The following CNTNAP5 variants were observed in gnomAD, a reference collection of about 807,000 sequenced individuals.
CNTNAP5 encodes the protein contactin associated protein family member 5.
CNTNAP5 carries 72 observed loss-of-function variants against 150.2 expected under a neutral mutation model. That is an observed-to-expected ratio of 0.48 (90% CI 0.40 to 0.58). The LOEUF is 0.58. CNTNAP5 is among the 20% of genes least tolerant of loss of function. CNTNAP5 has a pLI of 0.00. For synonymous variants in CNTNAP5, 672 were observed against 619.8 expected (o/e 1.08, Z -1.25); for missense variants, 1,636 against 1,626.2 (o/e 1.01, Z -0.10).
Position 124,372,500 on chromosome 2 carries a change from A to G in CNTNAP5, c.382-44943A>G, listed in dbSNP as rs903470305. 3.3e-5 allele frequency among the ~76,000 whole-genome samples: 5 copies of G among 152,062 alleles called. No individual in the cohort carries two copies. The East Asian group carries it at 9.7e-4, about 29-fold the overall frequency. On this transcript the variant is annotated intron_variant, in intron 3 of 23. Coordinates refer to ENST00000682447, the MANE Select transcript of CNTNAP5 (RefSeq NM_001367498.1). Reference sequence around the variant, plus strand: ...GGAAGGATTTATATCTTACTGTTGAAGGTATATAATTGTTTCCTAATTCAC... The same window carrying G: ...GGAAGGATTTATATCTTACTGTTGAGGGTATATAATTGTTTCCTAATTCAC...
At chr2:124,694,768 T>C (rs140457562) in intron 13 of CNTNAP5, among the ~76,000 whole-genome samples, 267 of 152,294 alleles carry the variant, frequency 1.8e-3, no homozygotes, top group African/African-American at 6.3e-3. Flanking sequence ...AATGTATTCA[T>C]TGATTTTTTT....
intron 3 of CNTNAP5, among the ~76,000 whole-genome samples, chr2:124,316,229 G>A (rs62170994): frequency 0.012 from 1,794 of 152,274 alleles, 16 homozygotes; most frequent in Non-Finnish European, 0.02. Context: ...CCTGGAAAGG[G>A]TTAGTAGCCC....
chr2:124,597,388 T>C (rs1426432236), intron 11 of CNTNAP5, among the ~76,000 whole-genome samples: 1 of 150,122 alleles, frequency 6.7e-6, no homozygotes, highest in African/African-American at 2.4e-5. Context: ...ATTTTATTTC[T>C]CCTTCACTTA....
Position 124,528,014 on chromosome 2 carries a change from T to C in CNTNAP5, c.1649+558T>C, listed in dbSNP as rs148488023. Among the ~76,000 whole-genome samples the C allele has an allele frequency of 9.8e-5, 15 of 152,334 alleles. No homozygotes were observed. In the East Asian group the frequency reaches 2.9e-3, roughly 29 times the overall value. ...AATTTCCCCTGGGATCTGGCTCTTC[T>C]TATATTAGAAGTTTCTAAATGCAAA... On this transcript the variant is annotated intron_variant, in intron 10 of 23. Transcript: ENST00000682447.
rs963293340 is a variant in CNTNAP5, at chr2:124,674,845, CT to C, written c.2077+26891del. On this transcript the variant is annotated intron_variant, in intron 13 of 23. Coordinates refer to ENST00000682447, the MANE Select transcript of CNTNAP5 (RefSeq NM_001367498.1). ...AAATTTAAGAATTTTGGGTAACATACTTTTAATGATTTTAATCGTTATAAAT... is the reference window on the plus strand; with the variant it reads ...AAATTTAAGAATTTTGGGTAACATACTTTAATGATTTTAATCGTTATAAAT... Among the ~76,000 whole-genome samples, 24 of 151,958 alleles carry C rather than the reference CT, an allele frequency of 1.6e-4. No homozygotes were observed. The Middle Eastern group carries it at 0.01, about 65-fold the overall frequency.
intron 3 of CNTNAP5, among the ~76,000 whole-genome samples, chr2:124,315,537 G>A (rs1236990925): frequency 1.5e-4 from 23 of 152,042 alleles, no homozygotes; most frequent in Admixed American, 1.5e-3. Context: ...ATAGTGTCAG[G>A]TTTCATAAGA....
chr2:124,464,718 T>C (rs746228194), intron 6 of CNTNAP5, among the ~76,000 whole-genome samples: 1 of 152,132 alleles, frequency 6.6e-6, no homozygotes, highest in Non-Finnish European at 1.5e-5. Context: ...AATCAGGAGA[T>C]TTAACCAGAA....
intron 16 of CNTNAP5, among the ~76,000 whole-genome samples, chr2:124,764,885 A>G (rs1374831661): frequency 6.6e-6 from 1 of 152,168 alleles, no homozygotes; most frequent in Non-Finnish European, 1.5e-5. Context: ...GCATACCTAT[A>G]TATTGCTCTG....
chr2:124,137,792 T>G (rs1684011781), intron 1 of CNTNAP5, among the ~76,000 whole-genome samples: 1 of 151,990 alleles, frequency 6.6e-6, no homozygotes, highest in Non-Finnish European at 1.5e-5. Context: ...GAGAAGTCGG[T>G]GGTCGCTGTG....
intron 13 of CNTNAP5, among the ~76,000 whole-genome samples, chr2:124,681,776 A>G (rs1412224124): frequency 6.6e-6 from 1 of 151,994 alleles, no homozygotes. Context: ...TTTAGCCAGG[A>G]TGGTCTCGAT....
chr2:124,341,855 CTG>C (rs1689625652), intron 3 of CNTNAP5, among the ~76,000 whole-genome samples: 1 of 152,052 alleles, frequency 6.6e-6, no homozygotes, highest in African/African-American at 2.4e-5. Flanking sequence ...GGTGATTTCC[CTG>C]AAGGTTATAT....
At chr2:124,537,037 T>TGAGAGA (rs1039786979) in intron 10 of CNTNAP5, among the ~76,000 whole-genome samples, 1 of 150,542 alleles carries the variant, frequency 6.6e-6, no homozygotes, top group African/African-American at 2.4e-5. Flanking sequence ...TGTGTGTGTG[T>TGAGAGA]GAGAGAGAGA....
chr2:124,158,497 C>A (rs932491851), intron 1 of CNTNAP5, among the ~76,000 whole-genome samples: 3 of 152,152 alleles, frequency 2.0e-5, no homozygotes, highest in Non-Finnish European at 2.9e-5. Flanking sequence ...CCATGTGTGG[C>A]CAATTCACGT....
chr2:124,655,945 G>A (rs10183185), intron 13 of CNTNAP5, among the ~76,000 whole-genome samples: 20,306 of 54,508 alleles, frequency 0.37, 4,113 homozygotes, highest in Non-Finnish European at 0.44. Context: ...GAGAGAGAGA[G>A]AGAAAGAAAG....
intron 3 of CNTNAP5, among the ~76,000 whole-genome samples, chr2:124,373,682 A>G (rs1690581706): frequency 6.6e-6 from 1 of 152,084 alleles, no homozygotes; most frequent in South Asian, 2.1e-4. Context: ...CCCACTTTCA[A>G]TTATATTAAA....
chr2:124,041,628 G>A (rs931230891), intron 1 of CNTNAP5, among the ~76,000 whole-genome samples: 5 of 152,104 alleles, frequency 3.3e-5, no homozygotes, highest in African/African-American at 7.2e-5. Flanking sequence ...GGGACATATG[G>A]TAGGGTCTGG....
At chr2:124,230,981 T>C (rs912904822) in intron 2 of CNTNAP5, among the ~76,000 whole-genome samples, 9 of 152,160 alleles carry the variant, frequency 5.9e-5, no homozygotes, top group East Asian at 1.9e-4. Flanking sequence ...TCCAAATCTA[T>C]GCTTTCCTCT....
chr2:124,411,321 C>A (rs1691756632), intron 3 of CNTNAP5, among the ~76,000 whole-genome samples: 3 of 152,070 alleles, frequency 2.0e-5, no homozygotes, highest in African/African-American at 7.2e-5. Context: ...TGGTACCATT[C>A]CTTCTGAAAC....
chr2:124,590,562 T>C (rs575455656), intron 11 of CNTNAP5, among the ~76,000 whole-genome samples: 108 of 152,342 alleles, frequency 7.1e-4, no homozygotes, highest in African/African-American at 2.4e-3. Flanking sequence ...TTTGATAAAC[T>C]TAATTAAATA....
Sources: gnomAD v4.1 joint callset for allele counts (sites outside exome capture counted in the v4.1 genomes callset) on GRCh38, gnomAD v4.1.1 for gene constraint, MANE v1.5 for transcripts, NCBI Gene and HGNC (gene_info 2026-07-23, HGNC 2026-07-21) for gene names.